The following EPHA6 variants were observed in gnomAD, a reference collection of about 807,000 sequenced individuals.
EPHA6 encodes the protein ephrin type-A receptor 6.
A neutral mutation model predicts 112.0 loss-of-function variants in EPHA6; 50 were observed. The observed-to-expected ratio is 0.45, with a 90% confidence interval of 0.36 to 0.56. The LOEUF is 0.56. Among genes scored for constraint, EPHA6 ranks in the 20% least tolerant of loss-of-function variants. The probability of loss-of-function intolerance (pLI) is 0.00; values close to 1 mark genes in which losing one functional copy is unlikely to be tolerated. For synonymous variants in EPHA6, 529 were observed against 490.7 expected (o/e 1.08, Z -1.03); for missense variants, 1,280 against 1,417.4 (o/e 0.90, Z 1.56).
At chr3:97,386,125 G>A (rs150524659) in intron 5 of EPHA6, among the ~76,000 whole-genome samples, 302 of 152,180 alleles carry the variant, frequency 2.0e-3, no homozygotes, top group African/African-American at 7.0e-3. Context: ...AAAAGTCCAA[G>A]TCCAAAGTCT....
At chr3:97,468,579 C>A (rs1004855115) in intron 7 of EPHA6, among the ~76,000 whole-genome samples, 1 of 151,052 alleles carries the variant, frequency 6.6e-6, no homozygotes, top group African/African-American at 2.4e-5. Context: ...TTTTTCAAAG[C>A]CTAGGCAGGG....
At chr3:97,475,177 G>C (rs2091334082) in intron 7 of EPHA6, among the ~76,000 whole-genome samples, 175 bp from the exon 8 acceptor site, 1 of 152,064 alleles carries the variant, frequency 6.6e-6, no homozygotes, top group African/African-American at 2.4e-5. Flanking sequence ...CTTCAGCCCT[G>C]AGTCAAAACT....
chr3:97,225,207 G>A (rs1267964259), intron 3 of EPHA6, among the ~76,000 whole-genome samples: 1 of 152,058 alleles, frequency 6.6e-6, no homozygotes, highest in African/African-American at 2.4e-5. Flanking sequence ...AGCCCGCCTC[G>A]GCCTCCCAAA....
intron 11 of EPHA6, among the ~76,000 whole-genome samples, chr3:97,556,764 A>T (rs1397697558): frequency 6.6e-6 from 1 of 152,050 alleles, no homozygotes; most frequent in Non-Finnish European, 1.5e-5. Flanking sequence ...TCATTGCATA[A>T]CTTTGTAAAT....
At chr3:97,410,194 T>C (rs2107111979) in intron 6 of EPHA6, among the ~76,000 whole-genome samples, 1 of 152,222 alleles carries the variant, frequency 6.6e-6, no homozygotes, top group East Asian at 1.9e-4. Context: ...TCCGTAATCC[T>C]GTTATTCTAC....
At chr3:97,644,509 T>C (rs954338081) in intron 14 of EPHA6, among the ~76,000 whole-genome samples, 9 of 151,970 alleles carry the variant, frequency 5.9e-5, no homozygotes, top group African/African-American at 1.5e-4. Context: ...AGCTGGTTTT[T>C]TGAAAGGATC....
chr3:97,632,277 T>C (rs757019646), intron 13 of EPHA6, among the ~76,000 whole-genome samples: 14 of 152,050 alleles, frequency 9.2e-5, no homozygotes, highest in Non-Finnish European at 1.9e-4. Context: ...ATTTAGTGAA[T>C]ATCTATTAAA....
chr3:96,848,305 A>G lies in EPHA6; in HGVS notation c.386-18520A>G, dbSNP rs572242181. On this transcript the variant is annotated intron_variant, in intron 1 of 17. Transcript: ENST00000389672. ...CAAGTCTAAGAAAATGCAAGAAAAT[A>G]TGTTGAAATAAAGATTTGTGAAAAT... 2.0e-5 allele frequency among the ~76,000 whole-genome samples: 3 copies of G among 152,212 alleles called. No individual in the cohort carries two copies. In the South Asian group the frequency reaches 6.2e-4, roughly 32 times the overall value.
At chr3:97,207,347 C>A (rs1221802852) in intron 3 of EPHA6, among the ~76,000 whole-genome samples, 1 of 152,066 alleles carries the variant, frequency 6.6e-6, no homozygotes, top group Admixed American at 6.6e-5. Context: ...AATTTTAATA[C>A]AAAGATAGTT....
intron 11 of EPHA6, among the ~76,000 whole-genome samples, chr3:97,572,380 G>A (rs904015326): frequency 2.0e-5 from 3 of 151,948 alleles, no homozygotes; most frequent in Admixed American, 2.0e-4. Flanking sequence ...TCGATCTCCT[G>A]ACCTCATGAT....
At chr3:97,342,043 G>A (rs2083330953) in intron 5 of EPHA6, among the ~76,000 whole-genome samples, 1 of 152,142 alleles carries the variant, frequency 6.6e-6, no homozygotes, top group African/African-American at 2.4e-5. Context: ...AGGAATAGCA[G>A]GATATAGAGA....
rs1427792518 is a variant in EPHA6 at position 97,439,699 on chromosome 3, G to A, written c.1732-8869G>A. The A allele has an allele frequency of 3.7e-6, 3 of 815,862 alleles. No individual in the cohort carries two copies. In the East Asian group the frequency reaches 3.1e-4, roughly 84 times the overall value. 50.5% of individuals were successfully genotyped at this position (815,862 alleles called of 1,614,324 possible). A position where few individuals can be genotyped will look rare whatever the true frequency, so the allele number is the denominator to read the frequency against. ...GATGTTTCTTTGTCATGGGTTCAGT[G>A]AAGTTTCTCATCATGGGTTCATTTA... On this transcript the variant is annotated intron_variant, in intron 6 of 17. Coordinates refer to ENST00000389672, the MANE Select transcript of EPHA6 (RefSeq NM_001080448.3).
chr3:97,324,445 CT>C (rs1553746352), intron 5 of EPHA6, among the ~76,000 whole-genome samples: 1 of 146,976 alleles, frequency 6.8e-6, no homozygotes, highest in Non-Finnish European at 1.5e-5. Context: ...TTCTTTCTTT[CT>C]TTCTTTCTTT....
At chr3:97,270,823 A>G (rs748616959) in intron 5 of EPHA6, among the ~76,000 whole-genome samples, 10 of 152,204 alleles carry the variant, frequency 6.6e-5, no homozygotes, top group Non-Finnish European at 1.5e-4. Context: ...TTTAAGCTTC[A>G]CTCATAGACA....
chr3:97,323,426 C>T (rs1381565587), intron 5 of EPHA6, among the ~76,000 whole-genome samples: 1 of 151,634 alleles, frequency 6.6e-6, no homozygotes, highest in East Asian at 1.9e-4. Flanking sequence ...AGCATATATA[C>T]TTGAGAATGA....
intron 13 of EPHA6, among the ~76,000 whole-genome samples, chr3:97,633,230 C>A (rs2093918515): frequency 6.6e-6 from 1 of 151,918 alleles, no homozygotes; most frequent in African/African-American, 2.4e-5. Context: ...ATCAGGCTCA[C>A]CCTTTCTGTC....
At chr3:97,178,136 G>A (rs2076888981) in intron 3 of EPHA6, among the ~76,000 whole-genome samples, 1 of 151,828 alleles carries the variant, frequency 6.6e-6, no homozygotes, top group African/African-American at 2.4e-5. Flanking sequence ...TTACCATTAG[G>A]CTTGCAAATA....
At chr3:96,861,792 C>T (rs1455463639) in intron 1 of EPHA6, among the ~76,000 whole-genome samples, 1 of 151,894 alleles carries the variant, frequency 6.6e-6, no homozygotes, top group Non-Finnish European at 1.5e-5. Context: ...AATAATTGAT[C>T]TCAGGTTCTA....
intron 5 of EPHA6, among the ~76,000 whole-genome samples, chr3:97,331,866 T>C (rs1576999395): frequency 6.6e-6 from 1 of 152,048 alleles, no homozygotes; most frequent in Non-Finnish European, 1.5e-5. Flanking sequence ...GAAACTATTC[T>C]AATCAATAGA....
Sources: gnomAD v4.1 joint callset for allele counts (sites outside exome capture counted in the v4.1 genomes callset) on GRCh38, gnomAD v4.1.1 for gene constraint, MANE v1.5 for transcripts, NCBI Gene and HGNC (gene_info 2026-07-23, HGNC 2026-07-21) for gene names.